The following LRP1B variants were observed in gnomAD, a reference collection of about 807,000 sequenced individuals.
The protein encoded by LRP1B is LDL receptor related protein 1B.
Under a neutral mutation model 556.6 loss-of-function variants are expected in LRP1B, and 217 were observed. The ratio of observed to expected loss-of-function variants is 0.39; its 90% CI spans 0.35 to 0.44. The LOEUF (loss-of-function observed/expected upper bound fraction) is 0.44, where lower values mean the gene tolerates loss of function less well. LRP1B is among the 20% of genes least tolerant of loss of function. The probability of loss-of-function intolerance (pLI) is 1.00; values close to 1 mark genes in which losing one functional copy is unlikely to be tolerated. For synonymous variants in LRP1B, 2,047 were observed against 1,865.8 expected (o/e 1.10, Z -2.50); for missense variants, 5,053 against 5,620.8 (o/e 0.90, Z 3.23).
chr2:140,932,573 T>C (rs1436907058), intron 20 of LRP1B, among the ~76,000 whole-genome samples: 1 of 152,062 alleles, frequency 6.6e-6, no homozygotes, highest in Non-Finnish European at 1.5e-5. Context: ...ATCAAGTATA[T>C]ACATATCAAC....
rs957039235 is a variant in LRP1B, at chr2:140,300,516, G to T, written c.12806-2547C>A. Among the ~76,000 whole-genome samples the T allele has an allele frequency of 2.0e-5, 3 of 152,124 alleles. 1 individual carries two copies. Among genetic ancestry groups the T allele is most frequent in the Non-Finnish European group, 4.4e-5 (3 of 68,002 alleles). On this transcript the variant is annotated intron_variant, in intron 83 of 90. Transcript: ENST00000389484. Reference sequence around the variant, plus strand: ...AGCAGCGATGCATCCAGGGAGCTGGGGAGTTGACAGCCTACAAGGGTAGCA... The same window carrying T: ...AGCAGCGATGCATCCAGGGAGCTGGTGAGTTGACAGCCTACAAGGGTAGCA...
intron 10 of LRP1B, among the ~76,000 whole-genome samples, chr2:141,053,602 AAAGAC>A (rs1311716795): frequency 1.3e-5 from 2 of 152,040 alleles, no homozygotes; most frequent in Non-Finnish European, 2.9e-5. Flanking sequence ...GGAATGTTCC[AAAGAC>A]CCAGTCTAGA....
intron 3 of LRP1B, among the ~76,000 whole-genome samples, chr2:141,323,592 T>G (rs1471903069): frequency 2.0e-5 from 3 of 152,094 alleles, no homozygotes; most frequent in East Asian, 3.9e-4. Flanking sequence ...CAGGAAATCC[T>G]GAAAACCTTG....
chr2:140,656,520 C>A (rs1684884485), intron 41 of LRP1B, among the ~76,000 whole-genome samples: 1 of 152,150 alleles, frequency 6.6e-6, no homozygotes, highest in African/African-American at 2.4e-5. Flanking sequence ...TTTGTTATCA[C>A]ATCAACCAGA....
chr2:140,851,868 A>G (rs1692469490), intron 27 of LRP1B, 85 bp from the exon 28 acceptor site: 3 of 1,315,326 alleles, frequency 2.3e-6, no homozygotes, highest in Non-Finnish European at 3.1e-6. Flanking sequence ...TATTCACCTA[A>G]TGATTCAAAG....
At position 141,924,004 on chromosome 2, in the gene LRP1B, G is replaced by A. The variant is rs111389864; in HGVS notation, c.83-113603C>T. ...TATGGACAGGAGACAGGGAAATACT[G>A]GGTAGAAGAGGGCAGTTCCCGTGCA... On this transcript the variant is annotated intron_variant, in intron 1 of 90. Transcript: ENST00000389484. Among the ~76,000 whole-genome samples, 120 of 152,142 alleles carry A rather than the reference G, an allele frequency of 7.9e-4. 1 individual carries two copies. The highest frequency in any genetic ancestry group is 2.8e-3 in the African/African-American group (115 of 41,538).
In LRP1B at chr2:140,302,835, C is replaced by A. The variant is rs116200949; in HGVS notation, c.12806-4866G>T. ...ATTGCTTCCTCCTCCCACCCAGTTG[C>A]TCAGGTCATTGCCCTTAGACTGAGA... On this transcript the variant is annotated intron_variant, in intron 83 of 90. Transcript: ENST00000389484. Among the ~76,000 whole-genome samples, 994 of 151,922 alleles carry A rather than the reference C, an allele frequency of 6.5e-3. 5 individuals are homozygous for A. Among genetic ancestry groups the A allele is most frequent in the Non-Finnish European group, 0.011 (776 of 67,968 alleles).
intron 29 of LRP1B, 114 bp from the exon 30 acceptor site, chr2:140,841,206 G>A (rs1455870487): frequency 1.6e-6 from 1 of 641,340 alleles, no homozygotes; most frequent in Non-Finnish European, 2.6e-6. Context: ...TAATTTGTTA[G>A]CTAAAATCGC....
In LRP1B at chr2:141,229,297, T is replaced by G. The variant is rs1047202364; in HGVS notation, c.736A>C (p.Met246Leu). ...HTLDFIYNED[M>L]ICWIESRESS... The stretch of plus-strand genomic sequence containing the variant: ...TCTCTTGATTCAATCCAACAAATCA[T>G]ATCTTCATTATAAATAAAATCCAGA... Residue 246 changes from methionine (M) to leucine (L), a missense_variant, in exon 6 of 91, where the codon ATG becomes CTG. Physicochemically the swap from Met to Leu is conservative, Grantham distance 15. Coordinates refer to ENST00000389484, the MANE Select transcript of LRP1B (RefSeq NM_018557.3). 2.2e-5 allele frequency: 35 copies of G among 1,612,376 alleles called. No homozygotes were observed. Among genetic ancestry groups the G allele is most frequent in the Admixed American group, 2.2e-4 (13 of 59,942 alleles).
chr2:141,735,490 C>G (rs1366446455), intron 2 of LRP1B, among the ~76,000 whole-genome samples: 3 of 79,102 alleles, frequency 3.8e-5, no homozygotes. Context: ...TGAGTAAGAT[C>G]AGCAGCAAAC....
chr2:140,597,006 A>C (rs968312733), intron 43 of LRP1B, among the ~76,000 whole-genome samples: 2 of 152,184 alleles, frequency 1.3e-5, no homozygotes, highest in Non-Finnish European at 2.9e-5. Flanking sequence ...GTCCATAAAT[A>C]GTCCCTAAAT....
chr2:141,929,722 TAGG>T (rs1700434275), intron 1 of LRP1B, among the ~76,000 whole-genome samples: 1 of 151,934 alleles, frequency 6.6e-6, no homozygotes, highest in African/African-American at 2.4e-5. Context: ...TCTTCTTTCT[TAGG>T]ACAGAACGTA....
In LRP1B at chr2:140,526,641, A is replaced by G. The variant is rs77909446; in HGVS notation, c.7763-291T>C. 5.8e-3 allele frequency among the ~76,000 whole-genome samples: 858 copies of G among 148,046 alleles called. 6 individuals carry two copies. The highest frequency in any genetic ancestry group is 0.02 in the African/African-American group (815 of 40,362). Reference sequence around the variant, plus strand: ...AACTAAATGTAAGCTCCATGAGAGCAGGGACCATGCTGTGTTGATATCATA... The same window carrying G: ...AACTAAATGTAAGCTCCATGAGAGCGGGGACCATGCTGTGTTGATATCATA... On this transcript the variant is annotated intron_variant, in intron 47 of 90. Transcript: ENST00000389484.
chr2:140,649,011 G>A (rs1481092814), intron 41 of LRP1B, among the ~76,000 whole-genome samples: 1 of 151,890 alleles, frequency 6.6e-6, no homozygotes, highest in Non-Finnish European at 1.5e-5. Context: ...ATATTTTGGG[G>A]GTAGAACTGA....
intron 57 of LRP1B, 90 bp downstream of exon 57, chr2:140,492,518 A>G: frequency 1.3e-6 from 1 of 799,360 alleles, no homozygotes; most frequent in Non-Finnish European, 2.1e-6. Context: ...AATATGCTTC[A>G]CAAACTCTAA....
intron 41 of LRP1B, among the ~76,000 whole-genome samples, chr2:140,634,117 T>A (rs1336816179): frequency 7.2e-5 from 11 of 152,160 alleles, no homozygotes; most frequent in Non-Finnish European, 5.9e-5. Flanking sequence ...GAGTAGGATT[T>A]ATTCCAGGAA....
chr2:140,373,752 G>A (rs1211517771), intron 68 of LRP1B, among the ~76,000 whole-genome samples: 1 of 152,062 alleles, frequency 6.6e-6, no homozygotes, highest in Non-Finnish European at 1.5e-5. Context: ...CACTGCACTC[G>A]AGTCTAGGCA....
rs71338143 is a variant in LRP1B at position 141,905,763 on chromosome 2, A to ACGTGTGTGTGTGTGTGTGTGT, written c.83-95363_83-95362insACACACACACACACACACACG. On this transcript the variant is annotated intron_variant, in intron 1 of 90. Transcript: ENST00000389484. ...GGGAGAAAATGGATCTGGTTTGAAT[A>ACGTGTGTGTGTGTGTGTGTGT]GATGTGTGTGTGTGTGTGTGTGTGT... 9.6e-5 allele frequency among the ~76,000 whole-genome samples: 11 copies of ACGTGTGTGTGTGTGTGTGTGT among 115,156 alleles called. 1 individual carries two copies. Among genetic ancestry groups the ACGTGTGTGTGTGTGTGTGTGT allele is most frequent in the Admixed American group, 9.3e-4 (11 of 11,796 alleles). The allele number at this position is 115,156 out of a possible 152,430, so 75.5% of individuals were successfully genotyped here. A position where few individuals can be genotyped will look rare whatever the true frequency, so the allele number is the denominator to read the frequency against.
intron 1 of LRP1B, among the ~76,000 whole-genome samples, chr2:141,816,102 T>A (rs1696536704): frequency 6.6e-6 from 1 of 152,174 alleles, no homozygotes; most frequent in Non-Finnish European, 1.5e-5. Context: ...AATGTTCACC[T>A]ATAGGGAGGG....
Sources: allele counts gnomAD v4.1 joint callset (sites outside exome capture counted in the v4.1 genomes callset), GRCh38; gene constraint gnomAD v4.1.1; transcripts MANE v1.5; gene names NCBI Gene and HGNC (gene_info 2026-07-23, HGNC 2026-07-21).